ARID4A: variants seen among roughly 807,000 people sequenced by gnomAD.
The protein encoded by ARID4A is AT-rich interaction domain 4A.
ARID4A carries 39 observed loss-of-function variants against 148.6 expected under a neutral mutation model. That is an observed-to-expected ratio of 0.26 (90% confidence interval 0.20 to 0.34). ARID4A has a LOEUF of 0.34. Among genes scored for constraint, ARID4A ranks in the 10% least tolerant of loss-of-function variants. The pLI, the probability that ARID4A is intolerant of heterozygous loss-of-function variation, is 1.00. For missense variants in ARID4A, 1,265 were observed against 1,449.1 expected (o/e 0.87, Z 2.06); for synonymous variants, 475 against 481.2 (o/e 0.99, Z 0.17).
chr14:58,364,612 T>C lies in ARID4A; in HGVS notation c.2523T>C (p.Ala841=), dbSNP rs1418042590. Residue 841 remains alanine, a synonymous_variant, in exon 20 of 24, where the codon GCT becomes GCC. Transcript: ENST00000355431. The part of the protein sequence containing the change: ...SSLDNKNFSS[A]TEDEIDQCVK... ...TAGACAATAAAAACTTTTCTTCTGCTACAGAAGATGAAATTGACCAATGTG... is the reference window on the plus strand; with the variant it reads ...TAGACAATAAAAACTTTTCTTCTGCCACAGAAGATGAAATTGACCAATGTG... The C allele has an allele frequency of 3.7e-6, 6 of 1,613,508 alleles. No individual in the cohort carries two copies. Among genetic ancestry groups the C allele is most frequent in the South Asian group, 1.1e-5 (1 of 91,004 alleles).
chr14:58,301,874 G>A (rs1056432592), intron 3 of ARID4A, among the ~76,000 whole-genome samples, 184 bp downstream of exon 3: 4 of 152,058 alleles, frequency 2.6e-5, no homozygotes, highest in Non-Finnish European at 5.9e-5. Context: ...ATTCCAAAAT[G>A]CTACCATCAA....
intron 21 of ARID4A, 65 bp from the exon 22 acceptor site, chr14:58,365,959 C>A: frequency 7.7e-7 from 1 of 1,296,122 alleles, no homozygotes; most frequent in Non-Finnish European, 1.1e-6. Flanking sequence ...ATTGTTAGGT[C>A]TGTTGCATTT....
chr14:58,313,924 TC>T (rs2032230252), intron 5 of ARID4A, among the ~76,000 whole-genome samples: 1 of 150,532 alleles, frequency 6.6e-6, no homozygotes, highest in Admixed American at 6.6e-5. Context: ...TGAGAGTGAA[TC>T]TTCCCCACCT....
intron 16 of ARID4A, chr14:58,353,322 A>G (rs2034720239): frequency 5.6e-6 from 1 of 179,432 alleles, no homozygotes; most frequent in African/African-American, 2.4e-5. Context: ...GTTAGCTGGC[A>G]CTTAAATATG....
At chr14:58,366,818 A>G in intron 22 of ARID4A, 65 bp from the exon 23 acceptor site, 1 of 1,264,590 alleles carries the variant, frequency 7.9e-7, no homozygotes, top group South Asian at 1.6e-5. Flanking sequence ...CGTTTGATAG[A>G]ATTGTCATCA....
At chr14:58,323,639 A>G in intron 8 of ARID4A, 22 bp downstream of exon 8, 1 of 1,588,758 alleles carries the variant, frequency 6.3e-7, no homozygotes, top group Non-Finnish European at 8.6e-7. Flanking sequence ...TTCTTTGCAG[A>G]GTTAATCAGC....
chr14:58,313,323 ACTCTTC>A (rs2032183807), intron 5 of ARID4A, among the ~76,000 whole-genome samples: 1 of 151,368 alleles, frequency 6.6e-6, no homozygotes, highest in Non-Finnish European at 1.5e-5. Flanking sequence ...TCGGGATGAA[ACTCTTC>A]CTCTTTAGAT....
At chr14:58,329,628 ATTAT>A in intron 10 of ARID4A, 24 bp downstream of exon 10, 1 of 1,532,636 alleles carries the variant, frequency 6.5e-7, no homozygotes. Flanking sequence ...GAATTACCCT[ATTAT>A]TTTATGTTGT....
intron 23 of ARID4A, among the ~76,000 whole-genome samples, chr14:58,368,965 C>T (rs1451800352): frequency 6.6e-6 from 1 of 151,818 alleles, no homozygotes; most frequent in Non-Finnish European, 1.5e-5. Flanking sequence ...GAGATTGCCA[C>T]CTTGAAACAA....
At chr14:58,323,638 G>T (rs774956865) in intron 8 of ARID4A, 21 bp downstream of exon 8, 1 of 1,586,808 alleles carries the variant, frequency 6.3e-7, no homozygotes, top group Non-Finnish European at 8.6e-7. Context: ...TTTCTTTGCA[G>T]AGTTAATCAG....
rs185747260 is a variant in ARID4A, at chr14:58,313,637, G to A, written c.275-4905G>A. On this transcript the variant is annotated intron_variant, in intron 5 of 23. Coordinates refer to ENST00000355431, the MANE Select transcript of ARID4A (RefSeq NM_002892.4). Reference sequence around the variant, plus strand: ...ACCATGACAGGTTCTCTGTAAGCTGGAGACCTGAGATGCCAATAGCTAGGC... The same window carrying A: ...ACCATGACAGGTTCTCTGTAAGCTGAAGACCTGAGATGCCAATAGCTAGGC... Among the ~76,000 whole-genome samples the A allele has an allele frequency of 1.7e-3, 257 of 152,302 alleles. 2 individuals are homozygous for A. Among genetic ancestry groups the A allele is most frequent in the Admixed American group, 7.4e-3 (113 of 15,306 alleles).
chr14:58,344,169 T>C (rs538933938), intron 11 of ARID4A, among the ~76,000 whole-genome samples: 1 of 152,336 alleles, frequency 6.6e-6, no homozygotes, highest in Non-Finnish European at 1.5e-5. Flanking sequence ...CACTTAAATG[T>C]ATTTAAATAT....
At chr14:58,323,361 A>T in intron 7 of ARID4A, 124 bp from the exon 8 acceptor site, 1 of 1,111,828 alleles carries the variant, frequency 9.0e-7, no homozygotes, top group Non-Finnish European at 1.3e-6. Flanking sequence ...TACAATAAGA[A>T]TGGAGAGGCT....
chr14:58,372,426 TTG>T lies in ARID4A; in HGVS notation c.*441_*442del, dbSNP rs1186846599. Reference sequence around the variant, plus strand: ...ACACTTGGTGAGTAGGGGGTTTATGTTGTGTTTTTTTTCATTATCGTTTTTTT... The same window carrying T: ...ACACTTGGTGAGTAGGGGGTTTATGTTGTTTTTTTTCATTATCGTTTTTTT... On this transcript the variant is annotated 3_prime_UTR_variant, in exon 24 of 24. Coordinates refer to ENST00000355431, the MANE Select transcript of ARID4A (RefSeq NM_002892.4). 2 of 233,626 alleles carry T rather than the reference TTG, an allele frequency of 8.6e-6. No individual in the cohort carries two copies. The highest frequency in any genetic ancestry group is 1.3e-4 in the East Asian group (2 of 15,990). The allele number at this position is 233,626 out of a possible 1,614,324, so 14.5% of individuals were successfully genotyped here. A position where few individuals can be genotyped will look rare whatever the true frequency, so the allele number is the denominator to read the frequency against.
chr14:58,344,955 C>G (rs967801275), intron 12 of ARID4A, among the ~76,000 whole-genome samples, 188 bp downstream of exon 12: 1 of 152,164 alleles, frequency 6.6e-6, no homozygotes, highest in Non-Finnish European at 1.5e-5. Flanking sequence ...TTACTGCAGC[C>G]TTGACCTCCT....
At chr14:58,315,418 T>C (rs1253787289) in intron 5 of ARID4A, among the ~76,000 whole-genome samples, 1 of 152,156 alleles carries the variant, frequency 6.6e-6, no homozygotes, top group Non-Finnish European at 1.5e-5. Flanking sequence ...AACATTTTGG[T>C]TTAGGGCTGC....
intron 11 of ARID4A, among the ~76,000 whole-genome samples, chr14:58,343,192 A>G (rs1339922949): frequency 6.6e-6 from 1 of 152,256 alleles, no homozygotes; most frequent in Admixed American, 6.5e-5. Flanking sequence ...GCATTAAGTA[A>G]TGACCTTCAC....
At chr14:58,343,749 G>A (rs1832507713) in intron 11 of ARID4A, among the ~76,000 whole-genome samples, 1 of 151,854 alleles carries the variant, frequency 6.6e-6, no homozygotes, top group African/African-American at 2.4e-5. Flanking sequence ...AGAATTGCTT[G>A]AACCCAGGAG....
intron 17 of ARID4A, among the ~76,000 whole-genome samples, chr14:58,355,782 C>G (rs1029063551): frequency 6.6e-6 from 1 of 152,168 alleles, no homozygotes; most frequent in African/African-American, 2.4e-5. Context: ...TCCTCAGATT[C>G]TTTAGTTCAC....
Sources: allele counts gnomAD v4.1 joint callset (sites outside exome capture counted in the v4.1 genomes callset), GRCh38; gene constraint gnomAD v4.1.1; transcripts MANE v1.5; gene names NCBI Gene and HGNC (gene_info 2026-07-23, HGNC 2026-07-21).